ANKRD13C: variants seen among roughly 807,000 people sequenced by gnomAD.
ANKRD13C encodes the protein ankyrin repeat domain 13C.
A neutral mutation model predicts 65.5 loss-of-function variants in ANKRD13C; 16 were observed. That is an observed-to-expected ratio of 0.24 (90% CI 0.17 to 0.37). The LOEUF (loss-of-function observed/expected upper bound fraction) is 0.37, where lower values mean the gene tolerates loss of function less well. Ranked by LOEUF, ANKRD13C falls within the 10% of genes least tolerant of loss-of-function variation. The pLI is 1.00. For synonymous variants in ANKRD13C, 235 were observed against 238.7 expected, an observed-to-expected ratio of 0.98 and a Z score of 0.14; for missense variants, 503 against 655.9, an observed-to-expected ratio of 0.77 and a Z score of 2.55.
chr1:70,308,506 G>A (rs574031373), intron 5 of ANKRD13C, among the ~76,000 whole-genome samples: 21 of 151,876 alleles, frequency 1.4e-4, no homozygotes, highest in African/African-American at 4.8e-4. Context: ...TTGGGAGGCC[G>A]AGGCGGGCAG....
chr1:70,300,066 C>T (rs1392249384), intron 7 of ANKRD13C, among the ~76,000 whole-genome samples: 1 of 151,788 alleles, frequency 6.6e-6, no homozygotes, highest in African/African-American at 2.4e-5. Flanking sequence ...CAGACAGAGC[C>T]AAAAGAAGTA....
chr1:70,331,927 A>C (rs1681825184), intron 2 of ANKRD13C, among the ~76,000 whole-genome samples: 1 of 152,108 alleles, frequency 6.6e-6, no homozygotes, highest in Non-Finnish European at 1.5e-5. Flanking sequence ...AAAAAATATC[A>C]ACAGACTTTC....
intron 6 of ANKRD13C, chr1:70,305,835 AG>A (rs887787352): frequency 1.3e-5 from 2 of 152,508 alleles, no homozygotes; most frequent in African/African-American, 4.8e-5. Context: ...ATGGAGAAAA[AG>A]GCAAGAATTG....
intron 1 of ANKRD13C, among the ~76,000 whole-genome samples, chr1:70,338,041 G>T (rs1201557395): frequency 6.6e-6 from 1 of 152,124 alleles, no homozygotes; most frequent in African/African-American, 2.4e-5. Context: ...GAAGGTTGCG[G>T]TGAACCAAGA....
chr1:70,286,259 G>C (rs1425748930), intron 9 of ANKRD13C, among the ~76,000 whole-genome samples: 1 of 151,732 alleles, frequency 6.6e-6, no homozygotes, highest in African/African-American at 2.4e-5. Context: ...ATTTATAATT[G>C]AACTCTGAGA....
chr1:70,350,357 T>C (rs1413982058), intron 1 of ANKRD13C, among the ~76,000 whole-genome samples: 1 of 152,198 alleles, frequency 6.6e-6, no homozygotes, highest in African/African-American at 2.4e-5. Context: ...TTAACACACA[T>C]ATAGTATTCA....
chr1:70,308,068 T>C (rs1680662593), intron 5 of ANKRD13C, among the ~76,000 whole-genome samples: 1 of 152,342 alleles, frequency 6.6e-6, no homozygotes, highest in Middle Eastern at 3.4e-3. Flanking sequence ...TTGAGATCCA[T>C]CCTGAAGTAA....
intron 12 of ANKRD13C, among the ~76,000 whole-genome samples, chr1:70,268,595 G>C (rs1001155273): frequency 2.6e-5 from 4 of 152,190 alleles, no homozygotes; most frequent in Non-Finnish European, 5.9e-5. Context: ...GCTTGGGGCA[G>C]AAAAATCTGT....
chr1:70,337,163 A>G (rs567717433), intron 1 of ANKRD13C, among the ~76,000 whole-genome samples: 1 of 151,856 alleles, frequency 6.6e-6, no homozygotes, highest in African/African-American at 2.4e-5. Flanking sequence ...ACACACACAC[A>G]CACACACACA....
rs979308363 is a variant in ANKRD13C, at chr1:70,260,508, T to C, written c.*2209A>G. On this transcript the variant is annotated 3_prime_UTR_variant, in exon 13 of 13. Coordinates refer to ENST00000370944, the MANE Select transcript of ANKRD13C (RefSeq NM_030816.5). ...TTTCATGTGGTATTATGAAAACATA[T>C]GGTGTTTTGACTTATTCATTTGAAA... The C allele has an allele frequency of 6.6e-6, 1 of 152,164 alleles. No individual in the cohort carries two copies. The highest frequency in any genetic ancestry group is 1.5e-5 in the Non-Finnish European group (1 of 67,978). The allele number at this position is 152,164 out of a possible 1,614,324, so 9.4% of individuals were successfully genotyped here. A position where few individuals can be genotyped will look rare whatever the true frequency, so the allele number is the denominator to read the frequency against.
At chr1:70,338,653 G>A (rs2101600774) in intron 1 of ANKRD13C, among the ~76,000 whole-genome samples, 1 of 152,232 alleles carries the variant, frequency 6.6e-6, no homozygotes, top group Non-Finnish European at 1.5e-5. Flanking sequence ...GCCCGCCTTG[G>A]CCTCCCAAAG....
At chr1:70,288,560 GAACA>G (rs936738714) in intron 9 of ANKRD13C, among the ~76,000 whole-genome samples, 1 of 152,062 alleles carries the variant, frequency 6.6e-6, no homozygotes, top group Non-Finnish European at 1.5e-5. Flanking sequence ...AACAAAAAAA[GAACA>G]AACTATTGAT....
At chr1:70,275,089 G>A (rs528738581) in intron 10 of ANKRD13C, among the ~76,000 whole-genome samples, 5 of 152,030 alleles carry the variant, frequency 3.3e-5, no homozygotes, top group Non-Finnish European at 7.4e-5. Context: ...CTATTTTTAG[G>A]AATAAAGAAA....
chr1:70,303,341 A>G (rs1680456291), intron 6 of ANKRD13C, among the ~76,000 whole-genome samples: 1 of 152,226 alleles, frequency 6.6e-6, no homozygotes, highest in Non-Finnish European at 1.5e-5. Flanking sequence ...CCATGTAATT[A>G]GCCATGAAGA....
chr1:70,319,507 T>TG (rs1478078757), intron 3 of ANKRD13C, among the ~76,000 whole-genome samples: 4 of 151,250 alleles, frequency 2.6e-5, no homozygotes, highest in Admixed American at 1.3e-4. Flanking sequence ...CTCGGGAGAC[T>TG]GGGGCAGGAG....
At chr1:70,266,393 A>T (rs868167559) in intron 12 of ANKRD13C, among the ~76,000 whole-genome samples, 1 of 152,178 alleles carries the variant, frequency 6.6e-6, no homozygotes, top group Non-Finnish European at 1.5e-5. Context: ...TGCAAATTGT[A>T]GTTTTTGGCT....
intron 5 of ANKRD13C, among the ~76,000 whole-genome samples, chr1:70,312,248 T>C (rs764697020): frequency 6.6e-6 from 1 of 152,210 alleles, no homozygotes; most frequent in Non-Finnish European, 1.5e-5. Flanking sequence ...AACCCAAGTG[T>C]ATTGTGAGAA....
intron 9 of ANKRD13C, among the ~76,000 whole-genome samples, chr1:70,279,500 CTTTT>C (rs757385338): frequency 3.0e-5 from 3 of 101,280 alleles, no homozygotes; most frequent in African/African-American, 7.3e-5. Context: ...TTTTGAGCTA[CTTTT>C]TTTTTTTTTT....
chr1:70,311,943 C>T (rs1400962396), intron 5 of ANKRD13C, among the ~76,000 whole-genome samples: 1 of 152,040 alleles, frequency 6.6e-6, no homozygotes, highest in Non-Finnish European at 1.5e-5. Context: ...GGCAGTTTAT[C>T]AAAAATATAA....
Sources: gnomAD v4.1 joint callset for allele counts (sites outside exome capture counted in the v4.1 genomes callset) on GRCh38, gnomAD v4.1.1 for gene constraint, MANE v1.5 for transcripts, NCBI Gene and HGNC (gene_info 2026-07-23, HGNC 2026-07-21) for gene names.